The following LRRC37A2 variants were observed in gnomAD, a reference collection of about 807,000 sequenced individuals.
LRRC37A2 encodes leucine rich repeat containing 37 member A2.
A neutral mutation model predicts 68.8 loss-of-function variants in LRRC37A2; 9 were observed. That is an observed-to-expected ratio of 0.13 (90% CI 0.08 to 0.23). The LOEUF (loss-of-function observed/expected upper bound fraction) is 0.23, where lower values mean the gene tolerates loss of function less well. Among genes scored for constraint, LRRC37A2 ranks in the 10% least tolerant of loss-of-function variants. LRRC37A2 has a pLI of 1.00. For missense variants in LRRC37A2, 168 were observed against 950.4 expected (o/e 0.18, Z 10.82); for synonymous variants, 63 against 367.6 (o/e 0.17, Z 9.48).
At chr17:46,866,183 C>T in the LRRC37A2 span, among the ~76,000 whole-genome samples, 1 of 152,020 alleles carries the variant, frequency 6.6e-6, no homozygotes, top group African/African-American at 2.4e-5. Flanking sequence ...AGTGTAACAG[C>T]AGGAGGGGAG....
the LRRC37A2 span, among the ~76,000 whole-genome samples, chr17:46,770,356 T>C: frequency 6.6e-6 from 1 of 152,204 alleles, no homozygotes; most frequent in Non-Finnish European, 1.5e-5. Flanking sequence ...GGCAGGTTGC[T>C]GCAGAGATAA....
chr17:46,940,368 C>A, the LRRC37A2 span: 1 of 1,506,156 alleles, frequency 6.6e-7, no homozygotes, highest in Admixed American at 2.0e-5. Flanking sequence ...AGAGTTAAAG[C>A]AGTGACTGGA....
At chr17:46,809,068 A>G in the LRRC37A2 span, among the ~76,000 whole-genome samples, 6 of 152,210 alleles carry the variant, frequency 3.9e-5, no homozygotes, top group South Asian at 2.1e-4. Context: ...AAGTATTTCA[A>G]TGAACAAGCA....
chr17:46,583,583 C>T, the LRRC37A2 span, among the ~76,000 whole-genome samples: 333 of 78,974 alleles, frequency 4.2e-3, 100 homozygotes, highest in African/African-American at 0.011. Flanking sequence ...GCGTGAGCCA[C>T]GGTGCCCAGC....
chr17:47,004,268 T>C, the LRRC37A2 span, among the ~76,000 whole-genome samples: 1 of 152,248 alleles, frequency 6.6e-6, no homozygotes, highest in Non-Finnish European at 1.5e-5. Flanking sequence ...ATGGTATTTC[T>C]AGTTCTAGAT....
At chr17:46,820,515 C>T in the LRRC37A2 span, among the ~76,000 whole-genome samples, 1 of 151,872 alleles carries the variant, frequency 6.6e-6, no homozygotes, top group East Asian at 1.9e-4. Flanking sequence ...AGCTGCAAGG[C>T]GAAGAAAAAT....
chr17:46,996,140 C>T, the LRRC37A2 span, among the ~76,000 whole-genome samples: 1 of 152,202 alleles, frequency 6.6e-6, no homozygotes, highest in African/African-American at 2.4e-5. Context: ...CTGGGCCTGC[C>T]AGAGTGGCTG....
the LRRC37A2 span, chr17:46,872,414 C>A: frequency 4.3e-6 from 6 of 1,386,594 alleles, no homozygotes; most frequent in Admixed American, 1.7e-4. Context: ...GCCTGCTGCC[C>A]AGAAGGGCAG....
the LRRC37A2 span, chr17:46,979,204 G>A: frequency 2.1e-6 from 1 of 469,838 alleles, no homozygotes; most frequent in Admixed American, 4.5e-5. Context: ...CGACCGCCCG[G>A]AGGAGCGAGC....
chr17:47,028,244 T>C, the LRRC37A2 span: 2 of 1,293,582 alleles, frequency 1.5e-6, no homozygotes, highest in East Asian at 4.6e-5. Flanking sequence ...GAAATAATTA[T>C]TTTTTTCCTT....
the LRRC37A2 span, among the ~76,000 whole-genome samples, chr17:46,958,897 A>C: frequency 6.6e-6 from 1 of 152,232 alleles, no homozygotes; most frequent in Non-Finnish European, 1.5e-5. Flanking sequence ...CTCTACAGTG[A>C]AATGTACAAC....
the LRRC37A2 span, chr17:46,939,990 C>T: frequency 9.9e-7 from 1 of 1,010,808 alleles, no homozygotes; most frequent in Non-Finnish European, 1.2e-6. Context: ...ACTCAAAATC[C>T]TTCAGATCTG....
chr17:46,783,025 A>C, the LRRC37A2 span, among the ~76,000 whole-genome samples: 4 of 152,054 alleles, frequency 2.6e-5, no homozygotes, highest in East Asian at 5.8e-4. Context: ...AAGAAGTGGG[A>C]CATGTCTCTG....
chr17:46,779,055 A>T, the LRRC37A2 span, among the ~76,000 whole-genome samples: 1,861 of 76,696 alleles, frequency 0.024, 60 homozygotes, highest in African/African-American at 0.068. Flanking sequence ...CTACCCCATC[A>T]CACACACACA....
chr17:46,766,510 G>A, the LRRC37A2 span, among the ~76,000 whole-genome samples: 3 of 152,040 alleles, frequency 2.0e-5, no homozygotes, highest in African/African-American at 7.2e-5. Context: ...GAGTGGAGGC[G>A]CTGGATTCAC....
chr17:46,991,520 C>T, the LRRC37A2 span, among the ~76,000 whole-genome samples: 1 of 152,002 alleles, frequency 6.6e-6, no homozygotes, highest in Non-Finnish European at 1.5e-5. Context: ...CCCAGCTACT[C>T]AGGACGCTGA....
the LRRC37A2 span, among the ~76,000 whole-genome samples, chr17:46,492,570 A>T: frequency 1.3e-5 from 2 of 150,248 alleles, no homozygotes; most frequent in African/African-American, 5.0e-5. Context: ...TTTATAAGAA[A>T]CTGCCAAAAC....
At chr17:46,878,714 G>A in the LRRC37A2 span, among the ~76,000 whole-genome samples, 22 of 152,128 alleles carry the variant, frequency 1.4e-4, no homozygotes, top group African/African-American at 5.3e-4. Flanking sequence ...GCAGAGCAGG[G>A]GGCCTGGGAG....
chr17:46,889,187 C>G, the LRRC37A2 span, among the ~76,000 whole-genome samples: 1 of 152,106 alleles, frequency 6.6e-6, no homozygotes, highest in African/African-American at 2.4e-5. Context: ...AATCTGATTT[C>G]CAGGGGGGCC....
Sources: gnomAD v4.1 joint callset for allele counts (sites outside exome capture counted in the v4.1 genomes callset) on GRCh38, gnomAD v4.1.1 for gene constraint, MANE v1.5 for transcripts, NCBI Gene and HGNC (gene_info 2026-07-23, HGNC 2026-07-21) for gene names.